The following ATAD2B variants were observed in gnomAD, a reference collection of about 807,000 sequenced individuals.
ATAD2B encodes the protein ATPase family AAA domain-containing protein 2B.
ATAD2B carries 40 observed loss-of-function variants against 167.6 expected under a neutral mutation model. The ratio of observed to expected loss-of-function variants is 0.24; its 90% CI spans 0.19 to 0.31. The LOEUF (loss-of-function observed/expected upper bound fraction) is 0.31. Ranked by LOEUF, ATAD2B falls within the 10% of genes least tolerant of loss-of-function variation. ATAD2B has a pLI of 1.00. For missense variants in ATAD2B, 1,242 were observed against 1,757.2 expected (o/e 0.71, Z 5.24); for synonymous variants, 579 against 596.5 (o/e 0.97, Z 0.43).
chr2:23,759,978 C>T (rs2149314676), intron 24 of ATAD2B, among the ~76,000 whole-genome samples: 1 of 152,318 alleles, frequency 6.6e-6, no homozygotes, highest in Non-Finnish European at 1.5e-5. Flanking sequence ...AACCATGTAA[C>T]TGAAAGTACA....
intron 8 of ATAD2B, among the ~76,000 whole-genome samples, chr2:23,870,976 A>G (rs1158754668): frequency 6.6e-6 from 1 of 152,160 alleles, no homozygotes; most frequent in Non-Finnish European, 1.5e-5. Flanking sequence ...CCTAAAAAAT[A>G]CTATAATAAA....
intron 1 of ATAD2B, among the ~76,000 whole-genome samples, chr2:23,896,776 T>TGGA (rs1558756983): frequency 2.0e-5 from 3 of 152,218 alleles, no homozygotes; most frequent in Non-Finnish European, 1.5e-5. Context: ...ATTTAGTTAA[T>TGGA]GGACCTCCTC....
intron 18 of ATAD2B, among the ~76,000 whole-genome samples, chr2:23,800,431 G>A (rs879834926): frequency 2.0e-5 from 3 of 152,190 alleles, no homozygotes; most frequent in Non-Finnish European, 4.4e-5. Context: ...CCATTAACAA[G>A]TATCAAAGAG....
the ATAD2B span, among the ~76,000 whole-genome samples, chr2:23,686,685 G>C: frequency 6.6e-6 from 1 of 152,172 alleles, no homozygotes; most frequent in Non-Finnish European, 1.5e-5. Flanking sequence ...CATCTGGTGT[G>C]TCAAGCTGAG....
At chr2:23,900,287 A>G (rs1700664212) in intron 1 of ATAD2B, among the ~76,000 whole-genome samples, 1 of 150,600 alleles carries the variant, frequency 6.6e-6, no homozygotes, top group Admixed American at 6.6e-5. Context: ...GGCTGTTCTC[A>G]AACTCCTGAC....
At chr2:23,682,729 T>C in the ATAD2B span, among the ~76,000 whole-genome samples, 1 of 152,100 alleles carries the variant, frequency 6.6e-6, no homozygotes, top group Admixed American at 6.5e-5. This position sits in a 1 kb window ranked among gnomAD's most constrained non-coding sequence, Gnocchi z 4.1. Context: ...CTGAGCCTGT[T>C]GGTCTCTGTC....
chr2:23,926,895 T>C lies in ATAD2B; in HGVS notation c.-125A>G. The C allele has an allele frequency of 8.3e-7, 1 of 1,211,606 alleles. No homozygotes were observed. 75.1% of individuals were successfully genotyped at this position (1,211,606 alleles called of 1,614,324 possible). A position where few individuals can be genotyped will look rare whatever the true frequency, so the allele number is the denominator to read the frequency against. Reference sequence around the variant, plus strand: ...ATGAGAGACGAGCCGGCCCGGAGCGTGCGGAGCGCAGACGAGCACAAGAGA... The same window carrying C: ...ATGAGAGACGAGCCGGCCCGGAGCGCGCGGAGCGCAGACGAGCACAAGAGA... On this transcript the variant is annotated 5_prime_UTR_variant, in exon 1 of 28. Transcript: ENST00000238789.
At chr2:23,880,437 C>A (rs934852091) in intron 7 of ATAD2B, among the ~76,000 whole-genome samples, 1 of 151,944 alleles carries the variant, frequency 6.6e-6, no homozygotes. Context: ...GTGGCGGGCA[C>A]CTGTAGTCCC....
At chr2:23,810,178 G>C (rs1685331917) in intron 18 of ATAD2B, 138 bp downstream of exon 18, 2 of 710,274 alleles carry the variant, frequency 2.8e-6, no homozygotes, top group Non-Finnish European at 4.4e-6. Context: ...ATACTAGAAT[G>C]CTAATGAATA....
At chr2:23,831,479 C>T (rs533395344) in intron 14 of ATAD2B, among the ~76,000 whole-genome samples, 4 of 152,060 alleles carry the variant, frequency 2.6e-5, no homozygotes, top group Admixed American at 2.0e-4. Flanking sequence ...ATTAATGACC[C>T]AAATGGGTCC....
intron 1 of ATAD2B, among the ~76,000 whole-genome samples, chr2:23,902,313 TAA>T (rs746907218): frequency 6.6e-6 from 1 of 152,132 alleles, no homozygotes; most frequent in South Asian, 2.1e-4. Context: ...GACCTCAGAA[TAA>T]AGAGGATTAC....
intron 14 of ATAD2B, among the ~76,000 whole-genome samples, chr2:23,833,319 T>G (rs1156662338): frequency 6.6e-6 from 1 of 152,164 alleles, no homozygotes. Context: ...AAATTTGAGT[T>G]TCTAATGAAA....
intron 1 of ATAD2B, among the ~76,000 whole-genome samples, chr2:23,922,778 C>G (rs149649323): frequency 6.0e-4 from 90 of 149,320 alleles, no homozygotes; most frequent in African/African-American, 2.1e-3. Flanking sequence ...TACTAATCAT[C>G]AGGGAAATGC....
At chr2:23,782,760 A>T in intron 22 of ATAD2B, 109 bp downstream of exon 22, 1 of 891,700 alleles carries the variant, frequency 1.1e-6, no homozygotes. Flanking sequence ...TTTGAAAAAC[A>T]ACAGGTCATG....
chr2:23,755,457 C>A (rs75643170), intron 25 of ATAD2B, among the ~76,000 whole-genome samples: 1 of 152,062 alleles, frequency 6.6e-6, no homozygotes, highest in African/African-American at 2.4e-5. Flanking sequence ...CATAATTTCA[C>A]GAACCCAGGC....
chr2:23,837,885 TA>T (rs1346237927), intron 13 of ATAD2B, among the ~76,000 whole-genome samples: 1 of 152,228 alleles, frequency 6.6e-6, no homozygotes, highest in African/African-American at 2.4e-5. Context: ...GAGTAGTTTT[TA>T]AAAAGTATGA....
intron 19 of ATAD2B, among the ~76,000 whole-genome samples, chr2:23,793,056 A>C (rs1329903592): frequency 6.6e-6 from 1 of 151,086 alleles, no homozygotes; most frequent in East Asian, 1.9e-4. Flanking sequence ...CAAAATATTA[A>C]TATTAAAACA....
chr2:23,792,411 G>C (rs1681896921), intron 19 of ATAD2B, among the ~76,000 whole-genome samples: 1 of 151,008 alleles, frequency 6.6e-6, no homozygotes, highest in Non-Finnish European at 1.5e-5. Flanking sequence ...AGTTTTGAAG[G>C]TAGGGTTCCT....
intron 11 of ATAD2B, among the ~76,000 whole-genome samples, chr2:23,864,598 T>C (rs1052257579): frequency 4.6e-5 from 7 of 152,202 alleles, no homozygotes; most frequent in African/African-American, 1.7e-4. Flanking sequence ...TCTTATCAAG[T>C]GCCTGACTTA....
Sources: allele counts gnomAD v4.1 joint callset (sites outside exome capture counted in the v4.1 genomes callset), GRCh38; gene constraint gnomAD v4.1.1; non-coding constraint Gnocchi (gnomAD v3.1); transcripts MANE v1.5; gene names NCBI Gene and HGNC (gene_info 2026-07-23, HGNC 2026-07-21).